Variants in PALS2 observed in about 807,000 individuals in gnomAD.
PALS2 encodes protein associated with LIN7 2, MAGUK p55 family member, also known as protein PALS2.
In PALS2, 27 loss-of-function variants were observed where a neutral mutation model predicts 61.6. The ratio of observed to expected loss-of-function variants is 0.44; its 90% CI spans 0.32 to 0.60. The LOEUF (loss-of-function observed/expected upper bound fraction) is 0.60. Among genes scored for constraint, PALS2 ranks in the 20% least tolerant of loss-of-function variants. The probability of loss-of-function intolerance (pLI) is 0.05; values close to 1 mark genes in which losing one functional copy is unlikely to be tolerated. For synonymous variants in PALS2, 236 were observed against 218.6 expected, an observed-to-expected ratio of 1.08 and a Z score of -0.70; for missense variants, 554 against 639.4, an observed-to-expected ratio of 0.87 and a Z score of 1.44.
At chr7:24,649,417 G>A (rs539316222) in intron 3 of PALS2, among the ~76,000 whole-genome samples, 195 bp from the exon 4 acceptor site, 1 of 151,976 alleles carries the variant, frequency 6.6e-6, no homozygotes, top group Admixed American at 6.5e-5. Context: ...ATTGTTTGAT[G>A]ATAATAAAAC....
At chr7:24,663,550 G>T (rs747928886) in intron 5 of PALS2, 40 bp from the exon 6 acceptor site, 2 of 1,512,198 alleles carry the variant, frequency 1.3e-6, no homozygotes, top group Non-Finnish European at 1.8e-6. Context: ...AGTGGCAAGT[G>T]ATACAACTAT....
chr7:24,630,589 A>G (rs1391700531), intron 2 of PALS2, among the ~76,000 whole-genome samples: 3 of 152,230 alleles, frequency 2.0e-5, no homozygotes, highest in African/African-American at 7.2e-5. Flanking sequence ...TTCGATGCAG[A>G]CACAGCAGCT....
chr7:24,578,374 G>A (rs1782716744), intron 1 of PALS2, among the ~76,000 whole-genome samples: 1 of 152,200 alleles, frequency 6.6e-6, no homozygotes, highest in African/African-American at 2.4e-5. Context: ...AGGTTTCGGT[G>A]TTCAAATGCT....
At chr7:24,607,334 A>G (rs75158107) in intron 1 of PALS2, among the ~76,000 whole-genome samples, 1,549 of 152,210 alleles carry the variant, frequency 0.01, 26 homozygotes, top group African/African-American at 0.035. Flanking sequence ...AGCCCTCTTA[A>G]TGAAAATGTC....
rs200506910 is a variant in PALS2 at position 24,679,277 on chromosome 7, T to G, written c.1261T>G (p.Ser421Ala). ...AAATCTCTATGGAACCAAAATTGAT[T>G]CTATTCTTGAGGTTGTCCAAACTGG... The part of the protein sequence containing the change: ...EGNLYGTKID[S>A]ILEVVQTGRT... Residue 421 changes from serine to alanine, a missense_variant, in exon 10 of 12, where the codon TCT becomes GCT. Physicochemically the swap from Ser to Ala is moderately conservative, Grantham distance 99 (BLOSUM62 1). Transcript: ENST00000222644. The G allele has an allele frequency of 2.5e-5, 41 of 1,613,976 alleles. No homozygotes were observed. The highest frequency in any genetic ancestry group is 1.7e-5 in the Admixed American group (1 of 60,004).
chr7:24,606,654 A>T (rs759610306), intron 1 of PALS2, among the ~76,000 whole-genome samples: 3 of 151,820 alleles, frequency 2.0e-5, no homozygotes, highest in Non-Finnish European at 4.4e-5. Flanking sequence ...TATGTTGCCC[A>T]GACTGGTTTT....
Position 24,573,457 on chromosome 7 carries a change from T to C in PALS2, c.-139T>C. 1 of 376,650 alleles carries C rather than the reference T, an allele frequency of 2.7e-6. No individual in the cohort carries two copies. Among genetic ancestry groups the C allele is most frequent in the South Asian group, 1.3e-4 (1 of 7,642 alleles). 23.3% of individuals were successfully genotyped at this position (376,650 alleles called of 1,614,324 possible). A position where few individuals can be genotyped will look rare whatever the true frequency, so the allele number is the denominator to read the frequency against. Reference sequence around the variant, plus strand: ...GGCGGAGGGCAGTGAGAGACGCATTTCCAGTTCTCAACTACGAGCCACGAG... The same window carrying C: ...GGCGGAGGGCAGTGAGAGACGCATTCCCAGTTCTCAACTACGAGCCACGAG... On this transcript the variant is annotated 5_prime_UTR_variant, in exon 1 of 12. Transcript: ENST00000222644. The surrounding 1 kb of genome is among the most constrained non-coding windows in gnomAD (Gnocchi z 5.3).
At chr7:24,663,831 C>A in intron 6 of PALS2, 110 bp downstream of exon 6, 2 of 1,309,286 alleles carry the variant, frequency 1.5e-6, no homozygotes, top group Non-Finnish European at 2.1e-6. Context: ...AATGATTTTT[C>A]CCACATGAAC....
Position 24,665,634 on chromosome 7 carries a change from A to C in PALS2, c.830A>C (p.Gln277Pro). 1 of 1,613,840 alleles carries C rather than the reference A, an allele frequency of 6.2e-7. No homozygotes were observed. The part of the protein sequence containing the change: ...EGGSAGLIPS[Q>P]FLEEKRKAFV... Reference sequence around the variant, plus strand: ...GGAAGCGCTGGTCTCATTCCAAGCCAGTTCCTGGAAGAGAAGAGAAAGGCA... The same window carrying C: ...GGAAGCGCTGGTCTCATTCCAAGCCCGTTCCTGGAAGAGAAGAGAAAGGCA... Residue 277 changes from glutamine (Q) to proline (P), a missense_variant, in exon 7 of 12, where the codon CAG becomes CCG. Transcript: ENST00000222644.
intron 1 of PALS2, among the ~76,000 whole-genome samples, chr7:24,587,811 A>G (rs1055331524): frequency 6.6e-6 from 1 of 152,174 alleles, no homozygotes; most frequent in Non-Finnish European, 1.5e-5. Flanking sequence ...TCTTACAACC[A>G]TGACCATACT....
intron 9 of PALS2, among the ~76,000 whole-genome samples, chr7:24,672,592 T>G (rs540498353): frequency 6.6e-6 from 1 of 152,314 alleles, no homozygotes; most frequent in East Asian, 1.9e-4. Flanking sequence ...TAATGCTGTT[T>G]ATGGTTTTCA....
Position 24,578,707 on chromosome 7 carries a change from T to A in PALS2, c.-3+5114T>A, listed in dbSNP as rs563730740. Among the ~76,000 whole-genome samples, 14 of 152,356 alleles carry A rather than the reference T, an allele frequency of 9.2e-5. No individual in the cohort carries two copies. The East Asian group carries it at 2.7e-3, about 29-fold the overall frequency. The stretch of plus-strand genomic sequence containing the variant: ...GTTCATCTAGTTCTTCCCTGTTCAA[T>A]AAACTATATCTCATTATTAGAACTT... On this transcript the variant is annotated intron_variant, in intron 1 of 11. Coordinates refer to ENST00000222644, the MANE Select transcript of PALS2 (RefSeq NM_001303037.2).
chr7:24,605,247 C>T (rs1442026107), intron 1 of PALS2, among the ~76,000 whole-genome samples: 1 of 152,122 alleles, frequency 6.6e-6, no homozygotes, highest in Admixed American at 6.6e-5. Context: ...AATATTGTTT[C>T]TAATGATGAA....
chr7:24,586,034 CT>C lies in PALS2; in HGVS notation c.-3+12442del, dbSNP rs538366229. On this transcript the variant is annotated intron_variant, in intron 1 of 11. Transcript: ENST00000222644. ...AGGGAAATTTTCACTGAAAGCAAGT[CT>C]GTTTATATATGTATATACTGGTATT... Among the ~76,000 whole-genome samples, 82 of 152,244 alleles carry C rather than the reference CT, an allele frequency of 5.4e-4. No individual in the cohort carries two copies. The South Asian group carries it at 0.014, about 26-fold the overall frequency.
At chr7:24,593,066 C>G (rs902393916) in intron 1 of PALS2, among the ~76,000 whole-genome samples, 2 of 152,108 alleles carry the variant, frequency 1.3e-5, no homozygotes, top group Non-Finnish European at 2.9e-5. Context: ...TTAATCCTTT[C>G]AAACCCTGCT....
At chr7:24,611,773 G>A (rs1410507725) in intron 1 of PALS2, among the ~76,000 whole-genome samples, 2 of 151,994 alleles carry the variant, frequency 1.3e-5, no homozygotes, top group East Asian at 3.8e-4. Context: ...GTGGTGGTAA[G>A]TGCAGGGAGG....
At position 24,611,528 on chromosome 7, in the gene PALS2, A is replaced by G. The variant is rs374608327; in HGVS notation, c.-2-12138A>G. On this transcript the variant is annotated intron_variant, in intron 1 of 11. Transcript: ENST00000222644. The stretch of plus-strand genomic sequence containing the variant: ...AGTAATGATGTCCCAGATGTGGCCT[A>G]GTTGTTGGGGATGCAAAGATGATTT... Among the ~76,000 whole-genome samples the G allele has an allele frequency of 4.6e-5, 7 of 151,944 alleles. No homozygotes were observed. The East Asian group carries it at 7.7e-4, about 17-fold the overall frequency.
chr7:24,689,673 A>G lies in PALS2; in HGVS notation c.*2059A>G, dbSNP rs890193527. 7.2e-5 allele frequency: 11 copies of G among 151,978 alleles called. No individual in the cohort carries two copies. Among genetic ancestry groups the G allele is most frequent in the Non-Finnish European group, 1.3e-4 (9 of 68,004 alleles). 9.4% of individuals were successfully genotyped at this position (151,978 alleles called of 1,614,324 possible). A position where few individuals can be genotyped will look rare whatever the true frequency, so the allele number is the denominator to read the frequency against. On this transcript the variant is annotated 3_prime_UTR_variant, in exon 12 of 12. Transcript: ENST00000222644. ...CCTAGGACAGGGAATTGGTGACAAA[A>G]TGGATTATACTATTTTAATAACAGT...
Position 24,679,260 on chromosome 7 carries a change from A to G in PALS2, c.1244A>G (p.Tyr415Cys). ...LEHGEYEGNLYGTKIDSILEV... is the reference protein window; with the variant it reads ...LEHGEYEGNLCGTKIDSILEV... ...CATGGGGAATATGAAGGAAATCTCT[A>G]TGGAACCAAAATTGATTCTATTCTT... The change falls in exon 10 of 12, where the codon TAT becomes TGT. Residue 415 changes from tyrosine (Y) to cysteine (C), a missense_variant. Transcript: ENST00000222644. 5.6e-6 allele frequency: 9 copies of G among 1,614,128 alleles called. No individual in the cohort carries two copies. Among genetic ancestry groups the G allele is most frequent in the African/African-American group, 1.3e-5 (1 of 75,058 alleles).
Sources: allele counts gnomAD v4.1 joint callset (sites outside exome capture counted in the v4.1 genomes callset), GRCh38; gene constraint gnomAD v4.1.1; non-coding constraint Gnocchi (gnomAD v3.1); transcripts MANE v1.5; gene names NCBI Gene and HGNC (gene_info 2026-07-23, HGNC 2026-07-21).